Variants in KAZN observed in about 807,000 individuals in gnomAD.
KAZN encodes kazrin, periplakin interacting protein.
KAZN carries 40 observed loss-of-function variants against 87.4 expected under a neutral mutation model. The ratio of observed to expected loss-of-function variants is 0.46; its 90% confidence interval spans 0.36 to 0.60. The LOEUF (loss-of-function observed/expected upper bound fraction) is 0.60. KAZN is among the 20% of genes least tolerant of loss of function. The pLI is 0.00. For synonymous variants in KAZN, 466 were observed against 458.3 expected (o/e 1.02, Z -0.22); for missense variants, 898 against 1,073.9 (o/e 0.84, Z 2.29).
chr1:14,321,055 T>C (rs1019274825), intron 2 of KAZN, among the ~76,000 whole-genome samples: 2 of 152,136 alleles, frequency 1.3e-5, no homozygotes, highest in African/African-American at 2.4e-5. Context: ...GAATTAACAG[T>C]AAAAGTCACA....
chr1:14,019,103 A>C (rs1390278658), intron 1 of KAZN, among the ~76,000 whole-genome samples: 1 of 152,252 alleles, frequency 6.6e-6, no homozygotes, highest in Non-Finnish European at 1.5e-5. Context: ...AGTACTGACC[A>C]ACAAAAGACC....
chr1:14,864,028 G>A (rs1378646503), intron 1 of KAZN, among the ~76,000 whole-genome samples: 1 of 152,156 alleles, frequency 6.6e-6, no homozygotes. Flanking sequence ...TTCAGAGGCT[G>A]TTATGAGCCA....
intron 1 of KAZN, among the ~76,000 whole-genome samples, chr1:14,952,240 CTGTGTGTG>C (rs56104480): frequency 0.051 from 7,382 of 143,984 alleles, 235 homozygotes; most frequent in Middle Eastern, 0.14. Context: ...TTCTTTCCCA[CTGTGTGTG>C]TGTGTGTGTG....
intron 1 of KAZN, among the ~76,000 whole-genome samples, chr1:13,938,673 C>T (rs1320430124): frequency 6.6e-6 from 1 of 152,226 alleles, no homozygotes; most frequent in East Asian, 1.9e-4. Flanking sequence ...CACACAGAAT[C>T]CCCACTGGGG....
chr1:14,267,216 T>G (rs887353787), intron 2 of KAZN, among the ~76,000 whole-genome samples: 1 of 152,034 alleles, frequency 6.6e-6, no homozygotes, highest in Non-Finnish European at 1.5e-5. Context: ...ACTATTTACA[T>G]AGAATTTACA....
intron 2 of KAZN, among the ~76,000 whole-genome samples, chr1:14,992,768 C>T (rs1188588038): frequency 3.9e-5 from 6 of 152,018 alleles, no homozygotes; most frequent in Non-Finnish European, 7.4e-5. Context: ...CTCAGCCTCC[C>T]AAGTAGCTGG....
intron 1 of KAZN, among the ~76,000 whole-genome samples, chr1:14,850,881 G>A (rs1259903547): frequency 6.6e-6 from 1 of 152,158 alleles, no homozygotes; most frequent in African/African-American, 2.4e-5. Flanking sequence ...TTTTATATTG[G>A]TTTCCTAGCC....
At chr1:14,931,502 C>G (rs1315644171) in intron 1 of KAZN, among the ~76,000 whole-genome samples, 1 of 152,078 alleles carries the variant, frequency 6.6e-6, no homozygotes, top group African/African-American at 2.4e-5. Context: ...GAAATTTTCA[C>G]CCTTTACCAT....
At chr1:14,605,931 T>C (rs560043277) in intron 1 of KAZN, among the ~76,000 whole-genome samples, 1 of 152,358 alleles carries the variant, frequency 6.6e-6, no homozygotes, top group Non-Finnish European at 1.5e-5. Context: ...AGCCAGATAC[T>C]GTTCTAAGTG....
intron 14 of KAZN, 46 bp downstream of exon 14, chr1:15,112,587 A>AAGGTCTTTTTTTTCTTCTCTCAGCGGC: frequency 1.5e-6 from 2 of 1,293,608 alleles, no homozygotes; most frequent in Non-Finnish European, 2.2e-6. Flanking sequence ...AGACCCGGGA[A>AAGGTCTTTTTTTTCTTCTCTCAGCGGC]AGGTCTTTTT....
chr1:14,753,857 G>C (rs742468), intron 1 of KAZN, among the ~76,000 whole-genome samples: 85,908 of 152,016 alleles, frequency 0.57, 25,147 homozygotes, highest in African/African-American at 0.68. Context: ...AGTCCAAGAT[G>C]AAGACTCCAG....
chr1:14,826,606 T>C (rs553572618), intron 1 of KAZN, among the ~76,000 whole-genome samples: 1 of 152,278 alleles, frequency 6.6e-6, no homozygotes, highest in South Asian at 2.1e-4. Context: ...GCCGTTTCCC[T>C]CCCATGTCAG....
intron 2 of KAZN, among the ~76,000 whole-genome samples, chr1:14,510,145 G>A (rs1338967547): frequency 3.3e-5 from 5 of 152,182 alleles, no homozygotes; most frequent in Non-Finnish European, 5.9e-5. Context: ...TTGGGAGGCC[G>A]AGGTGGGTGG....
At chr1:14,125,269 A>G (rs772102821) in intron 1 of KAZN, among the ~76,000 whole-genome samples, 1 of 152,076 alleles carries the variant, frequency 6.6e-6, no homozygotes, top group Non-Finnish European at 1.5e-5. Flanking sequence ...GACTATCAAA[A>G]ATGTCTTTTC....
At chr1:14,779,710 G>C (rs1213664905) in intron 1 of KAZN, among the ~76,000 whole-genome samples, 2 of 152,118 alleles carry the variant, frequency 1.3e-5, no homozygotes, top group Non-Finnish European at 2.9e-5. Context: ...GTTTGGCTTT[G>C]TTATTTTTTT....
At chr1:13,945,689 G>GTGTGTT (rs1216309367) in intron 1 of KAZN, among the ~76,000 whole-genome samples, 20 of 137,774 alleles carry the variant, frequency 1.5e-4, no homozygotes, top group African/African-American at 4.9e-4. Context: ...TTGTGTGTGT[G>GTGTGTT]TGTGTGTGTG....
Position 13,950,455 on chromosome 1 carries a change from G to T in KAZN, c.91+56699G>T, listed in dbSNP as rs544284939. Among the ~76,000 whole-genome samples, 3 of 152,290 alleles carry T rather than the reference G, an allele frequency of 2.0e-5. No individual in the cohort carries two copies. In the East Asian group the frequency reaches 5.8e-4, roughly 29 times the overall value. ...TTATTGTATATCCCCAGCGTTCAGT[G>T]TACTGCCTGGCAAATAGTTCATGTT... On this transcript the variant is annotated intron_variant, in intron 1 of 16. Transcript: ENST00000636203.
chr1:14,614,963 A>G (rs1252996729), intron 1 of KAZN, among the ~76,000 whole-genome samples: 1 of 152,192 alleles, frequency 6.6e-6, no homozygotes, highest in African/African-American at 2.4e-5. Flanking sequence ...CCTCGTAGGG[A>G]TAATGCTGGT....
intron 2 of KAZN, among the ~76,000 whole-genome samples, chr1:14,214,689 G>A (rs532874290): frequency 1.3e-5 from 2 of 152,326 alleles, no homozygotes; most frequent in East Asian, 1.9e-4. Flanking sequence ...GATTGTATAT[G>A]AGATGTAAAA....
Sources: gnomAD v4.1 joint callset for allele counts (sites outside exome capture counted in the v4.1 genomes callset) on GRCh38, gnomAD v4.1.1 for gene constraint, MANE v1.5 for transcripts, NCBI Gene and HGNC (gene_info 2026-07-23, HGNC 2026-07-21) for gene names.